The following ETV7 variants were observed in gnomAD, a reference collection of about 807,000 sequenced individuals.
ETV7 encodes ETS variant transcription factor 7.
A neutral mutation model predicts 39.1 loss-of-function variants in ETV7; 43 were observed. The ratio of observed to expected loss-of-function variants is 1.10; its 90% confidence interval spans 0.86 to 1.42. ETV7 has a LOEUF of 1.42. Among genes scored for constraint, ETV7 ranks in the 40% most tolerant of loss-of-function variants. ETV7 has a pLI of 0.00. For synonymous variants in ETV7, 196 were observed against 176.6 expected (o/e 1.11, Z -0.87); for missense variants, 432 against 442.3 (o/e 0.98, Z 0.21).
At chr6:36,375,013 G>A (rs1392213766) in intron 3 of ETV7, among the ~76,000 whole-genome samples, 2 of 149,930 alleles carry the variant, frequency 1.3e-5, no homozygotes, top group Non-Finnish European at 2.9e-5. Context: ...AGGTTGCAGT[G>A]AGCCAGGATC....
chr6:36,367,902 A>G (rs985563393), intron 6 of ETV7, among the ~76,000 whole-genome samples: 6 of 152,238 alleles, frequency 3.9e-5, no homozygotes, highest in African/African-American at 1.4e-4. Flanking sequence ...TAGCTAATCC[A>G]TGAAAGCAGT....
At chr6:36,387,050 TGG>T (rs1773941232) in intron 1 of ETV7, 2 of 223,822 alleles carry the variant, frequency 8.9e-6, no homozygotes, top group South Asian at 1.0e-4. Flanking sequence ...ATAATGGGTA[TGG>T]GTCCTGGCGA....
intron 2 of ETV7, among the ~76,000 whole-genome samples, chr6:36,384,175 C>T (rs552529873): frequency 1.3e-5 from 2 of 152,338 alleles, no homozygotes; most frequent in Admixed American, 6.5e-5. Context: ...CTCCCTACTC[C>T]TCACCAGTGT....
chr6:36,356,052 A>G (rs1772327479), intron 7 of ETV7, among the ~76,000 whole-genome samples: 2 of 152,216 alleles, frequency 1.3e-5, no homozygotes, highest in East Asian at 3.8e-4. Context: ...CAAGACAGAA[A>G]CCACAACTCA....
In ETV7 at chr6:36,375,923, G is replaced by A. The variant is rs141591162; in HGVS notation, c.255C>T (p.Arg85=). The change falls in exon 3 of 8, where the codon CGC becomes CGT. Residue 85 remains arginine, a synonymous_variant. Transcript: ENST00000340181. ...CGTCCTTGGTGAGGATGCAGAGGGC[G>A]CGTCCGTTCATCTCGAACCCGTGCT... ...TAEHGFEMNG[R]ALCILTKDDF... is the part of the protein sequence containing the mutation. 3.7e-5 allele frequency: 60 copies of A among 1,613,870 alleles called. No homozygotes were observed. The highest frequency in any genetic ancestry group is 4.7e-5 in the Non-Finnish European group (55 of 1,180,042).
chr6:36,374,765 TG>T (rs1413767954), intron 3 of ETV7, among the ~76,000 whole-genome samples: 1 of 152,162 alleles, frequency 6.6e-6, no homozygotes, highest in African/African-American at 2.4e-5. Context: ...CAGTGGGAAG[TG>T]GGTGATAGAA....
In ETV7 at chr6:36,387,506, G is replaced by A. The variant is rs759294223; in HGVS notation, c.6+30C>T. 13 of 1,613,900 alleles carry A rather than the reference G, an allele frequency of 8.1e-6. No individual in the cohort carries two copies. The South Asian group carries it at 9.9e-5, about 12-fold the overall frequency. On this transcript the variant is annotated intron_variant, in intron 1 of 7. Coordinates refer to ENST00000340181, the MANE Select transcript of ETV7 (RefSeq NM_016135.4). ...TGCGGGAGCAGGTGGCTCTGCGTGC[G>A]CGCTGCGTGTTCAGCCGCCAGGCTC...
intron 7 of ETV7, among the ~76,000 whole-genome samples, chr6:36,357,548 C>T (rs79386604): frequency 0.029 from 4,453 of 152,176 alleles, 112 homozygotes; most frequent in Non-Finnish European, 0.04. Flanking sequence ...GTTCTGACAA[C>T]AAATATGGGC....
At chr6:36,364,320 C>G, downstream of ETV7, among the ~76,000 whole-genome samples, 1 of 152,228 alleles carries the variant, frequency 6.6e-6, no homozygotes, top group Non-Finnish European at 1.5e-5. Context: ...CACAGGAGCC[C>G]ATGGAGCGGG....
chr6:36,370,689 G>GA (rs35376366), intron 5 of ETV7, among the ~76,000 whole-genome samples: 32,167 of 146,036 alleles, frequency 0.22, 3,618 homozygotes, highest in Admixed American at 0.3. Flanking sequence ...AATAAAAGTT[G>GA]AAAAAAAAAA....
At chr6:36,380,731 T>C (rs1773610198) in intron 2 of ETV7, among the ~76,000 whole-genome samples, 1 of 151,796 alleles carries the variant, frequency 6.6e-6, no homozygotes, top group Non-Finnish European at 1.5e-5. Flanking sequence ...TCTCAGTCAC[T>C]GTGGTCTCTC....
intron 3 of ETV7, 23 bp from the exon 4 acceptor site, chr6:36,373,601 G>GGGGGGGTGGGGGGGC: frequency 2.1e-6 from 1 of 475,650 alleles, no homozygotes. Flanking sequence ...GGGAGGGAGG[G>GGGGGGGTGGGGGGGC]CAGGCTGCTG....
intron 7 of ETV7, among the ~76,000 whole-genome samples, chr6:36,356,517 T>C (rs1157036719): frequency 6.6e-6 from 1 of 152,080 alleles, no homozygotes; most frequent in Non-Finnish European, 1.5e-5. Flanking sequence ...GCCCCTCTGG[T>C]GTCCCCTCAT....
chr6:36,359,740 T>C (rs377314172), intron 7 of ETV7, among the ~76,000 whole-genome samples: 1 of 152,246 alleles, frequency 6.6e-6, no homozygotes, highest in Non-Finnish European at 1.5e-5. Flanking sequence ...AGGTGCTCAA[T>C]GAATGTTAAA....
intron 3 of ETV7, among the ~76,000 whole-genome samples, chr6:36,375,501 A>G (rs1412191817): frequency 1.3e-5 from 2 of 152,182 alleles, no homozygotes; most frequent in Non-Finnish European, 2.9e-5. Flanking sequence ...TTTATACCTC[A>G]GTGTGAATGA....
intron 7 of ETV7, among the ~76,000 whole-genome samples, chr6:36,355,143 C>T (rs1772304093): frequency 6.6e-6 from 1 of 152,150 alleles, no homozygotes; most frequent in Non-Finnish European, 1.5e-5. Context: ...TGCCTCACTG[C>T]TCTGACTAGA....
intron 5 of ETV7, 46 bp from the exon 6 acceptor site, chr6:36,369,117 C>T (rs1204609332): frequency 1.2e-6 from 2 of 1,610,126 alleles, no homozygotes; most frequent in Non-Finnish European, 1.7e-6. Context: ...TTTACTGGAG[C>T]TGTGAGGACA....
downstream of ETV7, among the ~76,000 whole-genome samples, chr6:36,365,901 G>T (rs1772694516): frequency 6.6e-6 from 1 of 152,224 alleles, no homozygotes; most frequent in Admixed American, 6.5e-5. Flanking sequence ...GCTGGACGCA[G>T]TGGCTCACGC....
In ETV7 at chr6:36,366,313, G is replaced by C. The variant is rs1016577875; in HGVS notation, c.*332C>G. The C allele has an allele frequency of 4.9e-5, 55 of 1,118,552 alleles. No individual in the cohort carries two copies. Among genetic ancestry groups the C allele is most frequent in the Non-Finnish European group, 6.0e-5 (55 of 912,514 alleles). 69.3% of individuals were successfully genotyped at this position (1,118,552 alleles called of 1,614,324 possible). ...GTGAGGAAATCTGAGGCTCAGTGAGGGACTTCATTCCCTTCATCTGGTAAA... is the reference window on the plus strand; with the variant it reads ...GTGAGGAAATCTGAGGCTCAGTGAGCGACTTCATTCCCTTCATCTGGTAAA... On this transcript the variant is annotated 3_prime_UTR_variant, in exon 8 of 8. Transcript: ENST00000340181.
Sources: gnomAD v4.1 joint callset for allele counts (sites outside exome capture counted in the v4.1 genomes callset) on GRCh38, gnomAD v4.1.1 for gene constraint, MANE v1.5 for transcripts, NCBI Gene and HGNC (gene_info 2026-07-23, HGNC 2026-07-21) for gene names.